The following ABLIM1 variants were observed in gnomAD, a reference collection of about 807,000 sequenced individuals.
ABLIM1 encodes the protein actin binding LIM protein 1, also known as actin-binding LIM protein 1.
A neutral mutation model predicts 107.0 loss-of-function variants in ABLIM1; 40 were observed. The ratio of observed to expected loss-of-function variants is 0.37; its 90% CI spans 0.29 to 0.49. The LOEUF (loss-of-function observed/expected upper bound fraction) is 0.49, where lower values mean the gene tolerates loss of function less well. ABLIM1 is among the 20% of genes least tolerant of loss of function. ABLIM1 has a pLI of 0.97. For synonymous variants in ABLIM1, 357 were observed against 357.3 expected (o/e 1.00, Z 0.01); for missense variants, 857 against 1,008.5 (o/e 0.85, Z 2.04).
chr10:114,509,801 T>G (rs1238928594), intron 6 of ABLIM1, among the ~76,000 whole-genome samples: 1 of 152,154 alleles, frequency 6.6e-6, no homozygotes, highest in Non-Finnish European at 1.5e-5. Context: ...GTTCTCACAC[T>G]GCCAATAAAG....
At chr10:114,603,482 C>G (rs985462785) in intron 1 of ABLIM1, among the ~76,000 whole-genome samples, 1 of 152,098 alleles carries the variant, frequency 6.6e-6, no homozygotes, top group East Asian at 1.9e-4. Context: ...AATTCCTTAT[C>G]TACCTCCTGG....
chr10:114,537,850 A>G (rs2082235261), intron 6 of ABLIM1, among the ~76,000 whole-genome samples: 1 of 152,232 alleles, frequency 6.6e-6, no homozygotes, highest in Non-Finnish European at 1.5e-5. Context: ...GAAGAATGCA[A>G]TTAGCCTTCA....
intron 1 of ABLIM1, among the ~76,000 whole-genome samples, chr10:114,627,952 A>G (rs2077923964): frequency 6.6e-6 from 1 of 152,070 alleles, no homozygotes; most frequent in Non-Finnish European, 1.5e-5. Flanking sequence ...GTGAAACCCC[A>G]TCTCTAATAA....
At chr10:114,719,198 TTTCATAAGAGTCTGAAAATTAAA>T (rs1359839961) in intron 1 of ABLIM1, among the ~76,000 whole-genome samples, 8 of 152,200 alleles carry the variant, frequency 5.3e-5, no homozygotes, top group African/African-American at 1.9e-4. Context: ...TTGGCTATAG[TTTCATAAGAGTCTGAAAATTAAA>T]TATCTAAGAT....
At chr10:114,749,365 A>G (rs1460045504) in intron 1 of ABLIM1, among the ~76,000 whole-genome samples, 1 of 151,918 alleles carries the variant, frequency 6.6e-6, no homozygotes, top group Non-Finnish European at 1.5e-5. Context: ...GTGGTACAGG[A>G]CACATTCTTT....
intron 1 of ABLIM1, among the ~76,000 whole-genome samples, chr10:114,743,776 G>A (rs1244858669): frequency 1.3e-5 from 2 of 152,176 alleles, no homozygotes; most frequent in East Asian, 3.9e-4. Flanking sequence ...TGTTGTAAGG[G>A]TTGATATGCA....
At chr10:114,511,005 CA>C (rs1405744007) in intron 6 of ABLIM1, among the ~76,000 whole-genome samples, 1 of 151,978 alleles carries the variant, frequency 6.6e-6, no homozygotes, top group African/African-American at 2.4e-5. Context: ...TGTGCTCCTA[CA>C]GCATTTATTT....
intron 1 of ABLIM1, among the ~76,000 whole-genome samples, chr10:114,640,759 A>C (rs2078706575): frequency 6.6e-6 from 1 of 152,210 alleles, no homozygotes; most frequent in Admixed American, 6.5e-5. Flanking sequence ...AATAATTTAA[A>C]ATTTTAATTT....
chr10:114,618,138 G>A lies in ABLIM1; in HGVS notation c.245-16177C>T, dbSNP rs566695677. Reference sequence around the variant, plus strand: ...ATCCTGTTTCTGCAGGTGAAGATTCGGCTCTTACCAATAGGCCTACACCAC... The same window carrying A: ...ATCCTGTTTCTGCAGGTGAAGATTCAGCTCTTACCAATAGGCCTACACCAC... On this transcript the variant is annotated intron_variant, in intron 1 of 22. Transcript: ENST00000533213. 4.6e-5 allele frequency among the ~76,000 whole-genome samples: 7 copies of A among 152,152 alleles called. No individual in the cohort carries two copies. The South Asian group carries it at 1.0e-3, about 23-fold the overall frequency.
intron 5 of ABLIM1, among the ~76,000 whole-genome samples, chr10:114,546,312 T>G (rs1283577151): frequency 6.6e-6 from 1 of 150,610 alleles, no homozygotes; most frequent in Non-Finnish European, 1.5e-5. Flanking sequence ...TTTTTTTTTT[T>G]GAGACAGAGT....
chr10:114,795,482 G>A, the ABLIM1 span, among the ~76,000 whole-genome samples: 9 of 152,222 alleles, frequency 5.9e-5, no homozygotes, highest in African/African-American at 1.7e-4. Flanking sequence ...CGAAGTGGGC[G>A]GATCACCTGA....
chr10:114,580,942 G>T (rs768832293), intron 2 of ABLIM1, among the ~76,000 whole-genome samples: 1 of 152,278 alleles, frequency 6.6e-6, no homozygotes, highest in South Asian at 2.1e-4. Context: ...TAGTGAAAGA[G>T]ATTAATTGCT....
chr10:114,619,616 G>GAC lies in ABLIM1; in HGVS notation c.245-17656_245-17655insGT, dbSNP rs1336567397. 6.6e-6 allele frequency among the ~76,000 whole-genome samples: 1 copy of GAC among 152,222 alleles called. No individual in the cohort carries two copies. Among genetic ancestry groups the GAC allele is most frequent in the African/African-American group, 2.4e-5 (1 of 41,452 alleles). The stretch of plus-strand genomic sequence containing the variant: ...CTGAGGGATGGGACGATGCATGGCA[G>GAC]ATAGTCCTGGTCCTGATCTTGCTCC... On this transcript the variant is annotated intron_variant, in intron 1 of 22. Transcript: ENST00000533213. This position sits in a 1 kb window ranked among gnomAD's most constrained non-coding sequence, Gnocchi z 4.1.
intron 6 of ABLIM1, among the ~76,000 whole-genome samples, chr10:114,502,632 G>T (rs2060581358): frequency 6.6e-6 from 1 of 152,106 alleles, no homozygotes; most frequent in Non-Finnish European, 1.5e-5. Flanking sequence ...GAGCAGCTGG[G>T]ATTACAGGTA....
At chr10:114,768,006 G>T in intron 1 of ABLIM1, 1 of 422,580 alleles carries the variant, frequency 2.4e-6, no homozygotes, top group Non-Finnish European at 4.7e-6. Context: ...CCGCCCTCCC[G>T]CACCTGTTCG....
At chr10:114,585,857 T>C (rs192171381) in intron 2 of ABLIM1, among the ~76,000 whole-genome samples, 3 of 152,278 alleles carry the variant, frequency 2.0e-5, no homozygotes, top group Admixed American at 1.3e-4. Context: ...TAATATGATC[T>C]CTTGTGATAC....
chr10:114,504,289 T>C (rs2060830447), intron 6 of ABLIM1, among the ~76,000 whole-genome samples: 1 of 152,222 alleles, frequency 6.6e-6, no homozygotes, highest in African/African-American at 2.4e-5. Flanking sequence ...GGGCGCCTGT[T>C]ATTCTTATGC....
chr10:114,699,249 A>T (rs2081260681), intron 1 of ABLIM1, among the ~76,000 whole-genome samples: 1 of 152,082 alleles, frequency 6.6e-6, no homozygotes, highest in Non-Finnish European at 1.5e-5. Flanking sequence ...GGGCCCTTGG[A>T]TGATGCTTTA....
chr10:114,453,324 G>C, intron 13 of ABLIM1, 55 bp downstream of exon 13: 2 of 1,560,920 alleles, frequency 1.3e-6, no homozygotes, highest in South Asian at 2.2e-5. Context: ...GAGGTTACAA[G>C]GCTACATTCT....
Sources: allele counts gnomAD v4.1 joint callset (sites outside exome capture counted in the v4.1 genomes callset), GRCh38; gene constraint gnomAD v4.1.1; non-coding constraint Gnocchi (gnomAD v3.1); transcripts MANE v1.5; gene names NCBI Gene and HGNC (gene_info 2026-07-23, HGNC 2026-07-21).